Variants in TBC1D22A observed in about 807,000 individuals in gnomAD.
The protein encoded by TBC1D22A is putative GTPase activator.
TBC1D22A carries 38 observed loss-of-function variants against 60.2 expected under a neutral mutation model. The observed-to-expected ratio is 0.63, with a 90% CI of 0.49 to 0.83. The LOEUF is 0.83. Ranked by LOEUF, TBC1D22A falls within the 40% of genes least tolerant of loss-of-function variation. The pLI, the probability that TBC1D22A is intolerant of heterozygous loss-of-function variation, is 0.00. For missense variants in TBC1D22A, 628 were observed against 701.0 expected (o/e 0.90, Z 1.18); for synonymous variants, 302 against 281.7 (o/e 1.07, Z -0.72).
intron 8 of TBC1D22A, among the ~76,000 whole-genome samples, chr22:46,954,046 CAGA>C (rs10602336): frequency 0.029 from 4,347 of 152,250 alleles, 81 homozygotes; most frequent in Non-Finnish European, 0.04. Context: ...TCATCCTCTT[CAGA>C]AGGTCGAGGA....
chr22:46,860,670 TC>T (rs2087823876), intron 4 of TBC1D22A, among the ~76,000 whole-genome samples: 1 of 151,994 alleles, frequency 6.6e-6, no homozygotes, highest in African/African-American at 2.4e-5. Flanking sequence ...TCGATAGAGG[TC>T]TGTGCAGTGC....
At chr22:46,942,671 A>G (rs1481599416) in intron 8 of TBC1D22A, among the ~76,000 whole-genome samples, 1 of 152,218 alleles carries the variant, frequency 6.6e-6, no homozygotes, top group Non-Finnish European at 1.5e-5. Flanking sequence ...AGGCCCCTCC[A>G]AGCCGGCTTC....
At chr22:46,775,586 C>A (rs1273100341) in intron 1 of TBC1D22A, among the ~76,000 whole-genome samples, 1 of 152,100 alleles carries the variant, frequency 6.6e-6, no homozygotes, top group Non-Finnish European at 1.5e-5. Context: ...CCTGGAAGGG[C>A]TGGTAGAGGG....
chr22:46,939,656 G>A (rs1436343606), intron 8 of TBC1D22A, among the ~76,000 whole-genome samples: 1 of 152,208 alleles, frequency 6.6e-6, no homozygotes, highest in Admixed American at 6.5e-5. Context: ...TCCCATTTTG[G>A]AGCATAGAAG....
At chr22:46,997,011 C>G (rs539721502) in intron 9 of TBC1D22A, among the ~76,000 whole-genome samples, 1 of 152,324 alleles carries the variant, frequency 6.6e-6, no homozygotes, top group African/African-American at 2.4e-5. Context: ...AGCTGGGGCC[C>G]CATTCCTGGG....
intron 4 of TBC1D22A, among the ~76,000 whole-genome samples, chr22:46,805,450 G>T (rs1010860174): frequency 6.6e-6 from 1 of 152,276 alleles, no homozygotes; most frequent in African/African-American, 2.4e-5. Context: ...TGTTGGCACT[G>T]GTTCACTGGC....
rs182919508 is a variant in TBC1D22A, at chr22:47,007,308, C to T, written c.1201+9599C>T. 3.2e-3 allele frequency among the ~76,000 whole-genome samples: 484 copies of T among 152,250 alleles called. 2 individuals carry two copies. Among genetic ancestry groups the T allele is most frequent in the African/African-American group, 0.011 (477 of 41,550 alleles). On this transcript the variant is annotated intron_variant, in intron 10 of 12. Transcript: ENST00000337137. Reference sequence around the variant, plus strand: ...CACTGGGCAGGCACAGAACATGTGTCCTGCACCTCTGCAGAGCGTCTCCAG... The same window carrying T: ...CACTGGGCAGGCACAGAACATGTGTTCTGCACCTCTGCAGAGCGTCTCCAG...
At chr22:47,025,875 C>A (rs2148354392) in intron 10 of TBC1D22A, among the ~76,000 whole-genome samples, 1 of 152,224 alleles carries the variant, frequency 6.6e-6, no homozygotes, top group South Asian at 2.1e-4. Flanking sequence ...TGAGAAGAGG[C>A]TGTGCTTAGA....
chr22:46,854,999 TTAATAA>T (rs2087495177), intron 4 of TBC1D22A, among the ~76,000 whole-genome samples: 2 of 152,196 alleles, frequency 1.3e-5, no homozygotes. Context: ...ATTATAATAG[TTAATAA>T]TAAGTAACAG....
rs3884803 is a variant in TBC1D22A, at chr22:47,060,238, C to CTTTTTTTT, written c.1329+23054_1329+23061dup. On this transcript the variant is annotated intron_variant, in intron 11 of 12. Coordinates refer to ENST00000337137, the MANE Select transcript of TBC1D22A (RefSeq NM_014346.5). ...TGCGGCCCCTGCTAAGGGTTTCTGA[C>CTTTTTTTT]TTTTTTTTTTTTTTTTTTTTTGAGA... Among the ~76,000 whole-genome samples, 77 of 111,640 alleles carry CTTTTTTTT rather than the reference C, an allele frequency of 6.9e-4. 1 individual carries two copies. The highest frequency in any genetic ancestry group is 2.7e-3 in the African/African-American group (74 of 27,674). 73.2% of individuals were successfully genotyped at this position (111,640 alleles called of 152,430 possible). A position where few individuals can be genotyped will look rare whatever the true frequency, so the allele number is the denominator to read the frequency against.
At chr22:47,164,053 C>T (rs1284190965) in intron 12 of TBC1D22A, among the ~76,000 whole-genome samples, 1 of 152,236 alleles carries the variant, frequency 6.6e-6, no homozygotes, top group Non-Finnish European at 1.5e-5. Context: ...GAGCTGAGCC[C>T]TGTGTCTCTG....
rs1008372925 is a variant in TBC1D22A, at chr22:47,042,173, TG to T, written c.1329+4976del. Among the ~76,000 whole-genome samples, 275 of 86,730 alleles carry T rather than the reference TG, an allele frequency of 3.2e-3. 1 individual carries two copies. Among genetic ancestry groups the T allele is most frequent in the African/African-American group, 0.014 (255 of 17,688 alleles). 56.9% of individuals were successfully genotyped at this position (86,730 alleles called of 152,430 possible). A position where few individuals can be genotyped will look rare whatever the true frequency, so the allele number is the denominator to read the frequency against. On this transcript the variant is annotated intron_variant, in intron 11 of 12. Coordinates refer to ENST00000337137, the MANE Select transcript of TBC1D22A (RefSeq NM_014346.5). Reference sequence around the variant, plus strand: ...ACTGTGTCACAGTGGCTTCTATTTCTGCCCCCCCCATGAGGCACTTTGGGCT... The same window carrying T: ...ACTGTGTCACAGTGGCTTCTATTTCTCCCCCCCCATGAGGCACTTTGGGCT...
At chr22:46,803,947 G>T (rs972062587) in intron 4 of TBC1D22A, among the ~76,000 whole-genome samples, 2 of 152,194 alleles carry the variant, frequency 1.3e-5, no homozygotes, top group African/African-American at 4.8e-5. Flanking sequence ...TTGATGGTTC[G>T]CTGACTCTTC....
intron 10 of TBC1D22A, among the ~76,000 whole-genome samples, chr22:47,022,695 G>C (rs1281736421): frequency 6.6e-6 from 1 of 152,226 alleles, no homozygotes; most frequent in Non-Finnish European, 1.5e-5. Flanking sequence ...ACAAGCCTCA[G>C]AGCCCTTACA....
chr22:47,144,303 C>T (rs1699041541), intron 12 of TBC1D22A, among the ~76,000 whole-genome samples: 1 of 152,246 alleles, frequency 6.6e-6, no homozygotes, highest in Admixed American at 6.5e-5. Context: ...CTTTCCAGAG[C>T]TCCTCTCTCC....
intron 8 of TBC1D22A, among the ~76,000 whole-genome samples, chr22:46,944,612 A>C (rs966339746): frequency 2.0e-5 from 3 of 152,188 alleles, no homozygotes; most frequent in East Asian, 1.9e-4. Context: ...GTTAGCCAGG[A>C]TGGTCTTGAT....
chr22:46,946,652 A>G (rs2072564333), intron 8 of TBC1D22A, among the ~76,000 whole-genome samples: 1 of 152,124 alleles, frequency 6.6e-6, no homozygotes, highest in South Asian at 2.1e-4. Flanking sequence ...GCTCCTGTTG[A>G]TGACTGAGTT....
chr22:46,832,521 C>T (rs2086356101), intron 4 of TBC1D22A, among the ~76,000 whole-genome samples: 2 of 152,080 alleles, frequency 1.3e-5, no homozygotes, highest in South Asian at 4.1e-4. Context: ...TGGCGGGCAC[C>T]TGTAATCCCA....
At chr22:46,862,179 G>A (rs997431567) in intron 4 of TBC1D22A, among the ~76,000 whole-genome samples, 2 of 152,216 alleles carry the variant, frequency 1.3e-5, no homozygotes, top group Non-Finnish European at 2.9e-5. Context: ...GTGGAACGCG[G>A]TATGGAACCT....
Sources: allele counts gnomAD v4.1 joint callset (sites outside exome capture counted in the v4.1 genomes callset), GRCh38; gene constraint gnomAD v4.1.1; transcripts MANE v1.5; gene names NCBI Gene and HGNC (gene_info 2026-07-23, HGNC 2026-07-21).